Variants in HIGD1C observed in about 807,000 individuals in gnomAD.
HIGD1C encodes HIG1 domain family member 1C.
Under a neutral mutation model 13.1 loss-of-function variants are expected in HIGD1C, and 11 were observed. That is an observed-to-expected ratio of 0.84 (90% CI 0.53 to 1.39). HIGD1C has a LOEUF of 1.39. Among genes scored for constraint, HIGD1C ranks in the 40% most tolerant of loss-of-function variants. HIGD1C has a pLI of 0.00. For synonymous variants in HIGD1C, 36 were observed against 37.7 expected (o/e 0.95, Z 0.17); for missense variants, 110 against 112.0 (o/e 0.98, Z 0.08).
Position 50,963,389 on chromosome 12 carries a change from A to AAAAAG in HIGD1C, c.229+2301_229+2305dup, listed in dbSNP as rs1555212301. Among the ~76,000 whole-genome samples, 724 of 134,272 alleles carry AAAAAG rather than the reference A, an allele frequency of 5.4e-3. 14 individuals carry two copies. Among genetic ancestry groups the AAAAAG allele is most frequent in the South Asian group, 6.5e-3 (25 of 3,864 alleles). The allele number at this position is 134,272 out of a possible 152,430, so 88.1% of individuals were successfully genotyped here. A position where few individuals can be genotyped will look rare whatever the true frequency, so the allele number is the denominator to read the frequency against. ...CATCTCAAAAAAAAAAAAAAAAAAA[A>AAAAAG]AAAAGAAAAGAAAAGAAAGGAAAGT... On this transcript the variant is annotated intron_variant, in intron 2 of 2. Coordinates refer to ENST00000398455, the Ensembl canonical transcript of HIGD1C.
the HIGD1C span, among the ~76,000 whole-genome samples, chr12:50,948,322 C>T: frequency 6.6e-6 from 1 of 152,104 alleles, no homozygotes; most frequent in Non-Finnish European, 1.5e-5. Flanking sequence ...ACTCATAATA[C>T]AAGAAATGCT....
chr12:50,931,945 A>ATCTT, the HIGD1C span: 2 of 152,320 alleles, frequency 1.3e-5, no homozygotes, highest in Non-Finnish European at 2.9e-5. Flanking sequence ...CAGAATTAAC[A>ATCTT]TACAAGGTTG....
chr12:50,967,010 G>A (rs1040362925), intron 2 of HIGD1C, among the ~76,000 whole-genome samples: 5 of 151,968 alleles, frequency 3.3e-5, no homozygotes, highest in Non-Finnish European at 5.9e-5. Flanking sequence ...CCTGCTACTC[G>A]GGAGGCTGAG....
the HIGD1C span, among the ~76,000 whole-genome samples, chr12:50,936,345 A>G: frequency 2.6e-5 from 4 of 152,138 alleles, no homozygotes; most frequent in Admixed American, 1.3e-4. Flanking sequence ...CCTGGGCTCA[A>G]GCAATTCTCA....
intron 2 of HIGD1C, among the ~76,000 whole-genome samples, chr12:50,962,095 G>C (rs931659502): frequency 6.6e-6 from 1 of 152,160 alleles, no homozygotes; most frequent in Non-Finnish European, 1.5e-5. Context: ...GACAGAAATA[G>C]CACAGGCTGG....
At chr12:50,953,495 G>C (rs1938974672), upstream of HIGD1C, among the ~76,000 whole-genome samples, 2 of 152,178 alleles carry the variant, frequency 1.3e-5, no homozygotes, top group South Asian at 4.1e-4. Context: ...GTAGGTGCTT[G>C]GTAAATATCT....
intron 2 of HIGD1C, among the ~76,000 whole-genome samples, chr12:50,964,838 T>C (rs141266294): frequency 2.6e-5 from 4 of 152,368 alleles, no homozygotes; most frequent in African/African-American, 9.6e-5. Flanking sequence ...ATCTGTCTTC[T>C]GCCAAATAGG....
the HIGD1C span, among the ~76,000 whole-genome samples, chr12:50,939,564 G>C: frequency 2.6e-5 from 4 of 152,050 alleles, no homozygotes; most frequent in Non-Finnish European, 5.9e-5. Flanking sequence ...GTGCTGCCTC[G>C]ACACTTTTAC....
chr12:50,948,313 C>T, the HIGD1C span, among the ~76,000 whole-genome samples: 26 of 152,146 alleles, frequency 1.7e-4, no homozygotes, highest in East Asian at 4.8e-3. Context: ...TTCAATTTCA[C>T]TCATAATACA....
At chr12:50,968,192 G>C (rs547162877) in intron 2 of HIGD1C, among the ~76,000 whole-genome samples, 86 of 152,234 alleles carry the variant, frequency 5.6e-4, no homozygotes, top group African/African-American at 1.9e-3. Flanking sequence ...TTTTGGAGTT[G>C]GCTAAACAGT....
chr12:50,931,571 C>T, the HIGD1C span: 2 of 150,240 alleles, frequency 1.3e-5, no homozygotes, highest in African/African-American at 4.9e-5. Flanking sequence ...ATTAGCCAGG[C>T]GTGGTGGTGG....
At chr12:50,959,222 CGA>C (rs764533423) in intron 1 of HIGD1C, among the ~76,000 whole-genome samples, 104 of 151,728 alleles carry the variant, frequency 6.9e-4, no homozygotes, top group Non-Finnish European at 6.8e-4. Flanking sequence ...CGGGTTCAAG[CGA>C]TTCTCCTGCC....
chr12:50,949,877 A>G (rs17125111), upstream of HIGD1C, among the ~76,000 whole-genome samples: 2,753 of 152,142 alleles, frequency 0.018, 122 homozygotes, highest in South Asian at 0.11. Flanking sequence ...TGGAACATAC[A>G]CCTTGTCCCT....
intron 2 of HIGD1C, among the ~76,000 whole-genome samples, chr12:50,962,151 C>T (rs868236309): frequency 2.5e-4 from 38 of 152,180 alleles, no homozygotes; most frequent in African/African-American, 2.4e-4. Context: ...TTTGGGATGC[C>T]GAGGCGGGCA....
intron 2 of HIGD1C, among the ~76,000 whole-genome samples, chr12:50,965,462 T>C (rs1048782429): frequency 6.6e-6 from 1 of 152,100 alleles, no homozygotes; most frequent in African/African-American, 2.4e-5. Context: ...TATTTCCTAC[T>C]ATAATAGCCC....
upstream of HIGD1C, among the ~76,000 whole-genome samples, chr12:50,953,118 C>T (rs547258511): frequency 9.2e-5 from 14 of 152,270 alleles, no homozygotes; most frequent in African/African-American, 1.4e-4. Context: ...TCCCCTGGGG[C>T]GTGTTTCTGG....
chr12:50,962,974 T>C (rs1592263210), intron 2 of HIGD1C, among the ~76,000 whole-genome samples: 2 of 152,100 alleles, frequency 1.3e-5, no homozygotes, highest in South Asian at 4.1e-4. Context: ...TAATGTTTAA[T>C]GAGGGATTTA....
At chr12:50,938,073 T>C in the HIGD1C span, among the ~76,000 whole-genome samples, 10 of 152,118 alleles carry the variant, frequency 6.6e-5, no homozygotes, top group Non-Finnish European at 1.5e-4. Flanking sequence ...ACTGGGTACC[T>C]GCCCCTTCCA....
intron 1 of HIGD1C, 34 bp from the exon 4 acceptor site, chr12:50,960,934 C>G (rs1378652724): frequency 2.6e-6 from 4 of 1,530,190 alleles, no homozygotes; most frequent in African/African-American, 2.8e-5. Context: ...CCTGCCTCAG[C>G]CTTCCAAATA....
Sources: allele counts gnomAD v4.1 joint callset (sites outside exome capture counted in the v4.1 genomes callset), GRCh38; gene constraint gnomAD v4.1.1; transcripts MANE v1.5; gene names NCBI Gene and HGNC (gene_info 2026-07-23, HGNC 2026-07-21).